UNC5A: variants seen among roughly 807,000 people sequenced by gnomAD.
UNC5A encodes the protein unc-5 netrin receptor A.
A neutral mutation model predicts 87.4 loss-of-function variants in UNC5A; 20 were observed. That is an observed-to-expected ratio of 0.23 (90% CI 0.16 to 0.33). UNC5A has a LOEUF of 0.33. Among genes scored for constraint, UNC5A ranks in the 10% least tolerant of loss-of-function variants. The pLI is 1.00. For missense variants in UNC5A, 844 were observed against 1,133.4 expected (o/e 0.74, Z 3.67); for synonymous variants, 438 against 482.3 (o/e 0.91, Z 1.20).
At chr5:176,826,934 C>A (rs549949404) in intron 1 of UNC5A, among the ~76,000 whole-genome samples, 1 of 152,136 alleles carries the variant, frequency 6.6e-6, no homozygotes, top group South Asian at 2.1e-4. Context: ...CCACCGCGCC[C>A]GGCCCAAACA....
At chr5:176,878,952 A>G (rs11953674) in intron 13 of UNC5A, among the ~76,000 whole-genome samples, 16,778 of 152,134 alleles carry the variant, frequency 0.11, 1,162 homozygotes, top group African/African-American at 0.18. Flanking sequence ...CTGCGGCATT[A>G]AGGGGAAGAG....
At chr5:176,858,521 A>G (rs1757719806) in intron 1 of UNC5A, among the ~76,000 whole-genome samples, 1 of 151,848 alleles carries the variant, frequency 6.6e-6, no homozygotes, top group Non-Finnish European at 1.5e-5. Flanking sequence ...ATTCTGAAAC[A>G]CCCATGGGAG....
chr5:176,873,794 C>T (rs1758189085), intron 6 of UNC5A, among the ~76,000 whole-genome samples, 174 bp from the exon 7 acceptor site: 1 of 152,216 alleles, frequency 6.6e-6, no homozygotes, highest in African/African-American at 2.4e-5. Flanking sequence ...ATGGCAAATA[C>T]AGGGCTGGGA....
At chr5:176,854,283 C>CCTGTCT (rs1757615534) in intron 1 of UNC5A, among the ~76,000 whole-genome samples, 1 of 149,892 alleles carries the variant, frequency 6.7e-6, no homozygotes, top group Non-Finnish European at 1.5e-5. Flanking sequence ...TGTCTCTGTC[C>CCTGTCT]CTGTCTCTGT....
At chr5:176,872,788 C>A (rs1471057742) in intron 6 of UNC5A, among the ~76,000 whole-genome samples, 1 of 119,802 alleles carries the variant, frequency 8.3e-6, no homozygotes, top group Non-Finnish European at 1.7e-5. Context: ...CCACACCTGC[C>A]CCAACACCAC....
intron 1 of UNC5A, among the ~76,000 whole-genome samples, chr5:176,843,175 AGAAAG>A (rs1448503033): frequency 2.2e-5 from 3 of 136,022 alleles, no homozygotes; most frequent in Non-Finnish European, 4.5e-5. Context: ...AAAAAAAAAA[AGAAAG>A]AAAGAAAGAA....
intron 1 of UNC5A, among the ~76,000 whole-genome samples, chr5:176,861,377 C>T (rs1274685522): frequency 2.0e-5 from 3 of 152,230 alleles, no homozygotes; most frequent in African/African-American, 7.2e-5. Context: ...GCAGAGGCCC[C>T]TGAACCCTCG....
At chr5:176,830,890 G>A (rs1192485635) in intron 1 of UNC5A, among the ~76,000 whole-genome samples, 2 of 53,232 alleles carry the variant, frequency 3.8e-5, no homozygotes, top group African/African-American at 6.2e-5. Context: ...GTGGGTGTAT[G>A]TGCTGGCGTG....
At chr5:176,862,948 C>T (rs950406764) in intron 2 of UNC5A, 103 bp downstream of exon 2, 31 of 1,387,724 alleles carry the variant, frequency 2.2e-5, no homozygotes, top group East Asian at 1.6e-4. Flanking sequence ...CCTGGGACCC[C>T]GGAGGCCTTC....
chr5:176,829,424 G>A (rs534950206), intron 1 of UNC5A, among the ~76,000 whole-genome samples: 2 of 145,966 alleles, frequency 1.4e-5, no homozygotes, highest in East Asian at 4.4e-4. Flanking sequence ...TGAATGGATG[G>A]ATGGATGGAT....
chr5:176,819,073 C>A (rs1756664394), intron 1 of UNC5A, among the ~76,000 whole-genome samples: 2 of 152,238 alleles, frequency 1.3e-5, no homozygotes, highest in Admixed American at 6.5e-5. Flanking sequence ...TGGGGCCGCA[C>A]AGGTTGGGGG....
Position 176,869,687 on chromosome 5 carries a change from G to C in UNC5A, c.722-683G>C. ...GCTGTGGGCGCGGCTGGCAGAAACG[G>C]AGCCGGAGCTGCACCAACCCGGCGC... is the stretch of plus-strand genomic sequence containing the variant. On this transcript the variant is annotated intron_variant, in intron 5 of 14. Coordinates refer to ENST00000329542, the MANE Select transcript of UNC5A (RefSeq NM_133369.3). The surrounding 1 kb of genome is among the most constrained non-coding windows in gnomAD (Gnocchi z 9.1). The C allele has an allele frequency of 1.4e-6, 1 of 695,836 alleles. No homozygotes were observed. The highest frequency in any genetic ancestry group is 2.6e-6 in the Non-Finnish European group (1 of 380,842). The allele number at this position is 695,836 out of a possible 1,614,324, so 43.1% of individuals were successfully genotyped here.
chr5:176,878,045 T>C lies in UNC5A; in HGVS notation c.1787T>C (p.Leu596Pro). Reference sequence around the variant, plus strand: ...GCTGCCGCCAAGCGCCTCAAGCTGCTTCTGTTTGCGCCGGTGGCCTGCACC... The same window carrying C: ...GCTGCCGCCAAGCGCCTCAAGCTGCCTCTGTTTGCGCCGGTGGCCTGCACC... Reference protein sequence around the residue: ...SVAAAKRLKLLLFAPVACTSL... With the variant: ...SVAAAKRLKLPLFAPVACTSL... Residue 596 changes from leucine (L) to proline (P), a missense_variant, in exon 11 of 15, where the codon CTT becomes CCT. Coordinates refer to ENST00000329542, the MANE Select transcript of UNC5A (RefSeq NM_133369.3). 1 of 1,609,548 alleles carries C rather than the reference T, an allele frequency of 6.2e-7. No individual in the cohort carries two copies. Among genetic ancestry groups the C allele is most frequent in the Non-Finnish European group, 8.5e-7 (1 of 1,179,950 alleles).
rs2113593294 is a variant in UNC5A at position 176,824,310 on chromosome 5, CCTGAGGCT to C, written c.70+13494_70+13501del. Among the ~76,000 whole-genome samples, 1 of 152,266 alleles carries C rather than the reference CCTGAGGCT, an allele frequency of 6.6e-6. No individual in the cohort carries two copies. The highest frequency in any genetic ancestry group is 2.4e-5 in the African/African-American group (1 of 41,542). On this transcript the variant is annotated intron_variant, in intron 1 of 14. Transcript: ENST00000329542. This position sits in a 1 kb window ranked among gnomAD's most constrained non-coding sequence, Gnocchi z 4.2. ...GAGGCTGTCCCAGTGGCCCCGAGGCCCTGAGGCTCTGGTCCCTGCAGCTTTTCTCAGTC... is the reference window on the plus strand; with the variant it reads ...GAGGCTGTCCCAGTGGCCCCGAGGCCCTGGTCCCTGCAGCTTTTCTCAGTC...
At position 176,843,171 on chromosome 5, in the gene UNC5A, AAAAAG is replaced by A. The variant is rs564312381; in HGVS notation, c.71-19449_71-19445del. ...AGTGAAACTCTGTCTCAAAAAAAAAAAAAAGAAAGAAAGAAAGAAAGAAAAAAAGA... is the reference window on the plus strand; with the variant it reads ...AGTGAAACTCTGTCTCAAAAAAAAAAAAAGAAAGAAAGAAAGAAAAAAAGA... On this transcript the variant is annotated intron_variant, in intron 1 of 14. Coordinates refer to ENST00000329542, the MANE Select transcript of UNC5A (RefSeq NM_133369.3). 7.9e-3 allele frequency among the ~76,000 whole-genome samples: 1,193 copies of A among 150,254 alleles called. 11 individuals carry two copies. The highest frequency in any genetic ancestry group is 0.021 in the South Asian group (101 of 4,796).
Position 176,830,972 on chromosome 5 carries a change from T to C in UNC5A, c.70+20152T>C, listed in dbSNP as rs1045196486. On this transcript the variant is annotated intron_variant, in intron 1 of 14. Transcript: ENST00000329542. ...TGTATGTGCCGGCGTGTGTGTGTGC[T>C]GGTGTGTGTGTGTGTGAGATGGGAG... Among the ~76,000 whole-genome samples the C allele has an allele frequency of 3.4e-5, 5 of 146,630 alleles. No individual in the cohort carries two copies. In the East Asian group the frequency reaches 9.8e-4, roughly 29 times the overall value.
intron 1 of UNC5A, among the ~76,000 whole-genome samples, chr5:176,839,675 G>C (rs1185739025): frequency 1.3e-5 from 2 of 152,222 alleles, no homozygotes; most frequent in Non-Finnish European, 2.9e-5. Flanking sequence ...GATGTGCAGG[G>C]AGTGGGTGAT....
intron 1 of UNC5A, among the ~76,000 whole-genome samples, chr5:176,830,396 GGT>G (rs887117672): frequency 2.7e-5 from 4 of 149,708 alleles, no homozygotes; most frequent in African/African-American, 9.8e-5. Context: ...TGTGTGTGCT[GGT>G]GTGTGTGTGC....
chr5:176,852,831 G>C (rs1426779570), intron 1 of UNC5A, among the ~76,000 whole-genome samples: 1 of 152,234 alleles, frequency 6.6e-6, no homozygotes, highest in Non-Finnish European at 1.5e-5. Flanking sequence ...GCGACATCTT[G>C]GCTCAGCTCC....
Sources: gnomAD v4.1 joint callset for allele counts (sites outside exome capture counted in the v4.1 genomes callset) on GRCh38, gnomAD v4.1.1 for gene constraint, Gnocchi (gnomAD v3.1) non-coding constraint, MANE v1.5 for transcripts, NCBI Gene and HGNC (gene_info 2026-07-23, HGNC 2026-07-21) for gene names.